WASHC5: variants seen among roughly 807,000 people sequenced by gnomAD.
The protein encoded by WASHC5 is WASH complex subunit 5.
WASHC5 carries 101 observed loss-of-function variants against 150.4 expected under a neutral mutation model. The observed-to-expected ratio is 0.67, with a 90% confidence interval of 0.57 to 0.79. The LOEUF (loss-of-function observed/expected upper bound fraction) is 0.79. Ranked by LOEUF, WASHC5 falls within the 30% of genes least tolerant of loss-of-function variation. The probability of loss-of-function intolerance (pLI) is 0.00; values close to 1 mark genes in which losing one functional copy is unlikely to be tolerated. For missense variants in WASHC5, 1,195 were observed against 1,396.3 expected, an observed-to-expected ratio of 0.86 and a Z score of 2.30; for synonymous variants, 467 against 491.2, an observed-to-expected ratio of 0.95 and a Z score of 0.65.
intron 1 of WASHC5, among the ~76,000 whole-genome samples, chr8:125,089,802 G>A (rs1410953050): frequency 1.3e-5 from 2 of 152,262 alleles, no homozygotes; most frequent in African/African-American, 2.4e-5. Context: ...CAAGAATTAC[G>A]CTGTAGACAA....
chr8:125,059,318 G>GT, intron 13 of WASHC5, 21 bp from the exon 14 acceptor site: 1 of 1,613,340 alleles, frequency 6.2e-7, no homozygotes, highest in Non-Finnish European at 8.5e-7. Context: ...AAAAGAAACG[G>GT]TAAGAAGATG....
At position 125,059,414 on chromosome 8, in the gene WASHC5, GA is replaced by G; in HGVS notation, c.1649del (p.Ile550ThrfsTer11). On this transcript the variant is annotated frameshift_variant, in exon 13 of 29. Coordinates refer to ENST00000318410, the MANE Select transcript of WASHC5 (RefSeq NM_014846.4). LOFTEE classifies it high-confidence loss of function. Reference sequence around the variant, plus strand: ...GCCAAGCGAAAGAAAGGTCCCCAACGATCTGCATTGTGATCAGAACCTCCTC... The same window carrying G: ...GCCAAGCGAAAGAAAGGTCCCCAACGTCTGCATTGTGATCAGAACCTCCTC... ...IKEEVLITMQ[I>X]VGDLSFAWQL... 1 of 1,614,148 alleles carries G rather than the reference GA, an allele frequency of 6.2e-7. No individual in the cohort carries two copies. Among genetic ancestry groups the G allele is most frequent in the Non-Finnish European group, 8.5e-7 (1 of 1,180,010 alleles).
chr8:125,067,513 A>G (rs1218132967), intron 10 of WASHC5, 79 bp downstream of exon 10: 1 of 1,221,824 alleles, frequency 8.2e-7, no homozygotes, highest in Non-Finnish European at 1.2e-6. Flanking sequence ...AGAGCAAGCA[A>G]TCCTAGTCTT....
In WASHC5 at chr8:125,038,814, T is replaced by C. The variant is rs568411535; in HGVS notation, c.3084+16A>G. On this transcript the variant is annotated intron_variant, in intron 25 of 28. Coordinates refer to ENST00000318410, the MANE Select transcript of WASHC5 (RefSeq NM_014846.4). ...CTGTACCCCCATCCCCGCCATTATATATTTTAATTACTCACCTTATTCAGT... is the reference window on the plus strand; with the variant it reads ...CTGTACCCCCATCCCCGCCATTATACATTTTAATTACTCACCTTATTCAGT... 13 of 1,613,560 alleles carry C rather than the reference T, an allele frequency of 8.1e-6. No homozygotes were observed. In the South Asian group the frequency reaches 1.2e-4, roughly 15 times the overall value.
chr8:125,029,766 G>C (rs1405428308), intron 27 of WASHC5, among the ~76,000 whole-genome samples: 2 of 152,184 alleles, frequency 1.3e-5, no homozygotes, highest in African/African-American at 2.4e-5. Context: ...GTGTTAAAAC[G>C]ATTTCCAATT....
At position 125,038,923 on chromosome 8, in the gene WASHC5, G is replaced by C. The variant is rs769353866; in HGVS notation, c.2991C>G (p.Asp997Glu). ...CTTCTTTGGGGTAAGGAAGTGAAGG[G>C]TCCTGATAGTGGGCTTCAATGTCTG... is the stretch of plus-strand genomic sequence containing the variant. ...LLADIEAHYQ[D>E]PSLPYPKEDN... Residue 997 changes from aspartate (D) to glutamate (E), a missense_variant, in exon 25 of 29, where the codon GAC becomes GAG. Transcript: ENST00000318410. 4.3e-6 allele frequency: 7 copies of C among 1,613,866 alleles called. No homozygotes were observed. Among genetic ancestry groups the C allele is most frequent in the Admixed American group, 1.7e-5 (1 of 60,004 alleles).
chr8:125,039,430 G>A (rs964475165), intron 24 of WASHC5, among the ~76,000 whole-genome samples: 2 of 152,106 alleles, frequency 1.3e-5, no homozygotes, highest in Non-Finnish European at 2.9e-5. Context: ...AGCCAGTTGC[G>A]GATTTTGGTA....
Position 125,024,618 on chromosome 8 carries a change from TACAGC to T in WASHC5, c.3474_3478del (p.Leu1159ThrfsTer47), listed in dbSNP as rs769870389. 1 of 1,603,036 alleles carries T rather than the reference TACAGC, an allele frequency of 6.2e-7. No individual in the cohort carries two copies. Among genetic ancestry groups the T allele is most frequent in the Non-Finnish European group, 8.5e-7 (1 of 1,169,928 alleles). ...CCATTGAAGAAGTAGGAAAAACAGTTACAGCACTGTTCTGAACTCATCAAAAATGA... is the reference window on the plus strand; with the variant it reads ...CCATTGAAGAAGTAGGAAAAACAGTTACTGTTCTGAACTCATCAAAAATGA... On this transcript the variant is annotated frameshift_variant and stop_lost, in exon 29 of 29. Transcript: ENST00000318410. LOFTEE classifies it high-confidence loss of function.
chr8:125,037,107 T>C, intron 26 of WASHC5, 130 bp downstream of exon 26: 2 of 679,604 alleles, frequency 2.9e-6, no homozygotes. Flanking sequence ...AAGACTCGAA[T>C]TTCATAAACA....
chr8:125,030,794 A>G (rs998643020), intron 27 of WASHC5, among the ~76,000 whole-genome samples: 1 of 152,126 alleles, frequency 6.6e-6, no homozygotes, highest in Non-Finnish European at 1.5e-5. Flanking sequence ...GCCACATTTT[A>G]AGATGGTCAA....
chr8:125,048,750 C>T (rs547279760), intron 19 of WASHC5, among the ~76,000 whole-genome samples: 32 of 152,306 alleles, frequency 2.1e-4, no homozygotes, highest in South Asian at 2.1e-3. Context: ...AACTGTTAAT[C>T]ACTTGGGTTA....
Position 125,056,765 on chromosome 8 carries a change from T to A in WASHC5, c.1928A>T (p.Lys643Met). The change falls in exon 16 of 29, where the codon AAG becomes ATG. Residue 643 changes from lysine to methionine, a missense_variant. By Grantham distance (95) the Lys-to-Met change is moderately conservative (BLOSUM62 -1). Around this residue, in one of 3 missense-constraint regions of WASHC5, gnomAD observed 997 missense variants for 1,168.1 expected, o/e 0.85. Transcript: ENST00000318410. ...SMFTSLLKII[K>M]LQTHDIIEVP... ...TTCAATAATGTCGTGGGTCTGAAGC[T>A]TTATGATCTTTAGAAGAGATGTAAA... 1 of 1,614,196 alleles carries A rather than the reference T, an allele frequency of 6.2e-7. No individual in the cohort carries two copies. The highest frequency in any genetic ancestry group is 8.5e-7 in the Non-Finnish European group (1 of 1,180,026).
chr8:125,032,707 GA>G (rs906538341), intron 26 of WASHC5: 9 of 363,824 alleles, frequency 2.5e-5, no homozygotes, highest in Non-Finnish European at 3.1e-5. Context: ...ATGTAAATGA[GA>G]AAAAAAATCA....
chr8:125,052,564 T>C (rs960030332), intron 17 of WASHC5, among the ~76,000 whole-genome samples: 1 of 151,502 alleles, frequency 6.6e-6, no homozygotes, highest in Non-Finnish European at 1.5e-5. Context: ...CACACATATA[T>C]TATACATATA....
chr8:125,036,230 G>T (rs958544384), intron 26 of WASHC5, among the ~76,000 whole-genome samples: 4 of 152,142 alleles, frequency 2.6e-5, no homozygotes, highest in Non-Finnish European at 5.9e-5. Flanking sequence ...CCTGTTGAAA[G>T]AACAGAACAT....
intron 12 of WASHC5, among the ~76,000 whole-genome samples, chr8:125,060,296 G>C (rs1429226832): frequency 1.3e-5 from 2 of 152,116 alleles, no homozygotes; most frequent in South Asian, 4.1e-4. Flanking sequence ...AGACCAACCT[G>C]GCTAACATGG....
At position 125,049,030 on chromosome 8, in the gene WASHC5, C is replaced by T. The variant is rs1457710281; in HGVS notation, c.2355G>A (p.Glu785=). The T allele has an allele frequency of 6.2e-7, 1 of 1,613,306 alleles. No individual in the cohort carries two copies. The highest frequency in any genetic ancestry group is 1.1e-5 in the South Asian group (1 of 91,010). ...CCTTCGTTCTTAGAAAGTTATTACACTCTTGCTCCACGTTGTAATTTATGA... is the reference window on the plus strand; with the variant it reads ...CCTTCGTTCTTAGAAAGTTATTACATTCTTGCTCCACGTTGTAATTTATGA... ...SRIINYNVEQ[E]CNNFLRTKIQ... The change falls in exon 19 of 29, where the codon GAG becomes GAA. Residue 785 remains glutamate, a synonymous_variant. Transcript: ENST00000318410.
chr8:125,034,936 T>C (rs931234885), intron 26 of WASHC5, among the ~76,000 whole-genome samples: 1 of 152,210 alleles, frequency 6.6e-6, no homozygotes, highest in Non-Finnish European at 1.5e-5. Flanking sequence ...CATAGGCCAA[T>C]GCTGAGAACG....
intron 9 of WASHC5, among the ~76,000 whole-genome samples, chr8:125,072,763 T>C (rs1416941119): frequency 6.6e-6 from 1 of 152,154 alleles, no homozygotes; most frequent in Non-Finnish European, 1.5e-5. Context: ...TCCCCCTTTT[T>C]CATGTAATAT....
Sources: allele counts gnomAD v4.1 joint callset (sites outside exome capture counted in the v4.1 genomes callset), GRCh38; gene constraint gnomAD v4.1.1; regional missense constraint gnomAD v4.1.1; transcripts MANE v1.5; gene names NCBI Gene and HGNC (gene_info 2026-07-23, HGNC 2026-07-21).